The following ADAMTSL1 variants were observed in gnomAD, a reference collection of about 807,000 sequenced individuals.
ADAMTSL1 encodes ADAMTS like 1.
Under a neutral mutation model 201.8 loss-of-function variants are expected in ADAMTSL1, and 126 were observed. That is an observed-to-expected ratio of 0.62 (90% CI 0.54 to 0.72). The LOEUF is 0.72. Ranked by LOEUF, ADAMTSL1 falls within the 30% of genes least tolerant of loss-of-function variation. The pLI, the probability that ADAMTSL1 is intolerant of heterozygous loss-of-function variation, is 0.00. For synonymous variants in ADAMTSL1, 1,121 were observed against 903.4 expected (o/e 1.24, Z -4.32); for missense variants, 2,679 against 2,277.8 (o/e 1.18, Z -3.59).
chr9:18,529,665 A>G (rs1294535114), intron 2 of ADAMTSL1, among the ~76,000 whole-genome samples: 1 of 152,218 alleles, frequency 6.6e-6, no homozygotes, highest in African/African-American at 2.4e-5. Flanking sequence ...CCACAATTTA[A>G]TAGTAGAGAC....
chr9:18,054,268 A>G (rs1374937206), intron 1 of ADAMTSL1, among the ~76,000 whole-genome samples: 1 of 152,156 alleles, frequency 6.6e-6, no homozygotes, highest in Non-Finnish European at 1.5e-5. Flanking sequence ...ACGCAACCCT[A>G]CCTCTGAGAA....
intron 13 of ADAMTSL1, among the ~76,000 whole-genome samples, chr9:18,688,240 C>CA (rs1830963135): frequency 6.6e-6 from 1 of 151,778 alleles, no homozygotes; most frequent in Non-Finnish European, 1.5e-5. Flanking sequence ...TCTCATGCCT[C>CA]AGCCTCCCGC....
At chr9:18,666,785 G>C (rs936676893) in intron 9 of ADAMTSL1, among the ~76,000 whole-genome samples, 1 of 152,062 alleles carries the variant, frequency 6.6e-6, no homozygotes, top group African/African-American at 2.4e-5. Flanking sequence ...CATGAATCCA[G>C]CTAATAAACA....
chr9:18,853,887 C>CTGTGTGTGTGTGTGTG (rs529993480), intron 23 of ADAMTSL1, among the ~76,000 whole-genome samples: 21 of 80,900 alleles, frequency 2.6e-4, no homozygotes, highest in South Asian at 1.5e-3. Context: ...TGTATTCACT[C>CTGTGTGTGTGTGTGTG]TCTGTGTGTG....
At chr9:18,138,238 T>C (rs1414407122) in intron 1 of ADAMTSL1, among the ~76,000 whole-genome samples, 1 of 151,708 alleles carries the variant, frequency 6.6e-6, no homozygotes, top group Non-Finnish European at 1.5e-5. Flanking sequence ...GAAAGGAATA[T>C]GTATTATAAT....
intron 2 of ADAMTSL1, among the ~76,000 whole-genome samples, chr9:18,283,816 G>A (rs1587465918): frequency 6.7e-6 from 1 of 149,306 alleles, no homozygotes; most frequent in East Asian, 2.0e-4. Context: ...GGAGGCTGAG[G>A]CAGGAGAATG....
chr9:18,114,621 A>T (rs935736194), intron 1 of ADAMTSL1, among the ~76,000 whole-genome samples: 1 of 152,188 alleles, frequency 6.6e-6, no homozygotes, highest in African/African-American at 2.4e-5. Context: ...TATTGCTCAT[A>T]TATGAAGAAA....
intron 3 of ADAMTSL1, among the ~76,000 whole-genome samples, chr9:18,564,860 G>T (rs1377585623): frequency 6.6e-6 from 1 of 152,114 alleles, no homozygotes; most frequent in Non-Finnish European, 1.5e-5. Context: ...CTCAAGGAAT[G>T]AATATTTTCA....
chr9:18,463,788 A>G (rs143253833), intron 2 of ADAMTSL1, among the ~76,000 whole-genome samples: 3 of 152,228 alleles, frequency 2.0e-5, no homozygotes, highest in East Asian at 1.9e-4. Flanking sequence ...ATTTTTTGCT[A>G]TTGTATTAAT....
chr9:18,855,169 A>G (rs944509704), intron 23 of ADAMTSL1, among the ~76,000 whole-genome samples: 2 of 152,204 alleles, frequency 1.3e-5, no homozygotes. Flanking sequence ...TTGGAAAACA[A>G]CTTCCCTTTG....
chr9:18,770,717 C>T lies in ADAMTSL1; in HGVS notation c.2333C>T (p.Ala778Val). ...PETFCSASKP[A>V]CQQACKKDDC... ...ACCTTCTGTTCAGCTTCAAAACCTGCCTGCCAGCAAGCATGCAAGAAAGAT... is the reference window on the plus strand; with the variant it reads ...ACCTTCTGTTCAGCTTCAAAACCTGTCTGCCAGCAAGCATGCAAGAAAGAT... The change falls in exon 17 of 29, where the codon GCC (alanine) becomes GTC (valine). Residue 778 changes from alanine to valine, a missense_variant. By Grantham distance (64) the Ala-to-Val change is moderately conservative. Coordinates refer to ENST00000380548, the MANE Select transcript of ADAMTSL1 (RefSeq NM_001040272.6). The T allele has an allele frequency of 6.2e-7, 1 of 1,613,864 alleles. No individual in the cohort carries two copies. The highest frequency in any genetic ancestry group is 8.5e-7 in the Non-Finnish European group (1 of 1,179,862).
In ADAMTSL1 at chr9:18,881,015, C is replaced by T. The variant is rs1307602754; in HGVS notation, c.4250-6816C>T. Among the ~76,000 whole-genome samples, 5 of 152,342 alleles carry T rather than the reference C, an allele frequency of 3.3e-5. No homozygotes were observed. The East Asian group carries it at 9.6e-4, about 29-fold the overall frequency. ...CCTCTGCTAGCTTCCAACTTTTCCT[C>T]TGCAGCTTCCTCACGTCTCTCAGCC... is the stretch of plus-strand genomic sequence containing the variant. On this transcript the variant is annotated intron_variant, in intron 23 of 28. Coordinates refer to ENST00000380548, the MANE Select transcript of ADAMTSL1 (RefSeq NM_001040272.6).
At chr9:18,691,567 G>A (rs1301466649) in intron 13 of ADAMTSL1, among the ~76,000 whole-genome samples, 2 of 152,156 alleles carry the variant, frequency 1.3e-5, no homozygotes, top group Admixed American at 6.5e-5. Flanking sequence ...TGCCAACTGG[G>A]TGAGTTGGTG....
At chr9:18,519,546 G>A (rs1818558483) in intron 2 of ADAMTSL1, among the ~76,000 whole-genome samples, 1 of 152,174 alleles carries the variant, frequency 6.6e-6, no homozygotes, top group South Asian at 2.1e-4. Context: ...TTGTTCACCA[G>A]GCATTATGCT....
At chr9:18,590,744 A>T (rs1228241445) in intron 4 of ADAMTSL1, among the ~76,000 whole-genome samples, 1 of 152,046 alleles carries the variant, frequency 6.6e-6, no homozygotes, top group African/African-American at 2.4e-5. Flanking sequence ...AAGAATTTTT[A>T]AAAATTCCTT....
chr9:18,622,534 G>A (rs2132676247), intron 5 of ADAMTSL1, 165 bp downstream of exon 5: 1 of 1,040,660 alleles, frequency 9.6e-7, no homozygotes, highest in East Asian at 2.6e-5. Context: ...GCTTAGGTGG[G>A]ACAAGTCAGG....
At chr9:18,520,071 CCAAA>C (rs1262430474) in intron 2 of ADAMTSL1, among the ~76,000 whole-genome samples, 1 of 152,132 alleles carries the variant, frequency 6.6e-6, no homozygotes, top group Non-Finnish European at 1.5e-5. Context: ...TTTAGACATA[CCAAA>C]CAGTCATAAT....
intron 2 of ADAMTSL1, among the ~76,000 whole-genome samples, chr9:18,322,343 A>G (rs1184033487): frequency 6.6e-6 from 1 of 152,218 alleles, no homozygotes; most frequent in Non-Finnish European, 1.5e-5. Context: ...TTGTTAAACC[A>G]TTAGCAGTAC....
At chr9:18,329,488 T>C (rs1209084224) in intron 2 of ADAMTSL1, among the ~76,000 whole-genome samples, 1 of 152,216 alleles carries the variant, frequency 6.6e-6, no homozygotes, top group Non-Finnish European at 1.5e-5. Context: ...ACGTGTCCAC[T>C]ACAAGAATGT....
Sources: allele counts gnomAD v4.1 joint callset (sites outside exome capture counted in the v4.1 genomes callset), GRCh38; gene constraint gnomAD v4.1.1; transcripts MANE v1.5; gene names NCBI Gene and HGNC (gene_info 2026-07-23, HGNC 2026-07-21).